The following FABP12 variants were observed in gnomAD, a reference collection of about 807,000 sequenced individuals.
FABP12 encodes fatty acid-binding protein 12.
Under a neutral mutation model 13.7 loss-of-function variants are expected in FABP12, and 19 were observed. The observed-to-expected ratio is 1.39, with a 90% CI of 0.97 to 2.04. The LOEUF (loss-of-function observed/expected upper bound fraction) is 2.04. FABP12 is among the 30% of genes most tolerant of loss of function. The probability of loss-of-function intolerance (pLI) is 0.00; values close to 1 mark genes in which losing one functional copy is unlikely to be tolerated. For synonymous variants in FABP12, 61 were observed against 57.0 expected (o/e 1.07, Z -0.32); for missense variants, 182 against 164.2 (o/e 1.11, Z -0.59).
rs536105592 is a variant in FABP12 at position 81,529,460 on chromosome 8, G to A, written c.224C>T (p.Thr75Met). The change falls in exon 3 of 5, where the codon ACG becomes ATG. Residue 75 changes from threonine (T) to methionine (M), a missense_variant. Physicochemically the swap from Thr to Met is moderately conservative, Grantham distance 81. Transcript: ENST00000360464. ...CACCTTTGTTTTGTGGCCACCTGGC[G>A]TGATTTCCTCAAACTCTTCTCCCAG... The A allele has an allele frequency of 6.0e-5, 97 of 1,613,916 alleles. 1 individual carries two copies. Among genetic ancestry groups the A allele is most frequent in the South Asian group, 3.5e-4 (32 of 91,086 alleles).
intron 1 of FABP12, among the ~76,000 whole-genome samples, chr8:81,573,051 A>G (rs1218033751): frequency 6.6e-6 from 1 of 152,178 alleles, no homozygotes; most frequent in Middle Eastern, 3.2e-3. Context: ...GTTTCTCCCA[A>G]TATTATCTTC....
intron 1 of FABP12, among the ~76,000 whole-genome samples, chr8:81,581,013 T>C (rs973956640): frequency 9.2e-5 from 14 of 152,206 alleles, no homozygotes; most frequent in African/African-American, 3.4e-4. Flanking sequence ...GGAGAAATAG[T>C]AGGACTTTGC....
At chr8:81,558,887 C>CAAAAAAA (rs35682824) in intron 1 of FABP12, among the ~76,000 whole-genome samples, 1 of 67,556 alleles carries the variant, frequency 1.5e-5, no homozygotes. Flanking sequence ...AAGGCTCCAT[C>CAAAAAAA]AAAAAAAAAA....
chr8:81,553,834 G>A (rs2130021765), intron 1 of FABP12, among the ~76,000 whole-genome samples: 1 of 152,300 alleles, frequency 6.6e-6, no homozygotes, highest in Non-Finnish European at 1.5e-5. Flanking sequence ...GGGAAAAGGA[G>A]CGCTGGGGCT....
chr8:81,563,608 G>A (rs1008611061), intron 1 of FABP12, among the ~76,000 whole-genome samples: 1 of 152,130 alleles, frequency 6.6e-6, no homozygotes, highest in Non-Finnish European at 1.5e-5. Context: ...AAAGAATCAA[G>A]CAGAAATTCT....
intron 1 of FABP12, among the ~76,000 whole-genome samples, chr8:81,546,777 T>C (rs143421426): frequency 2.0e-5 from 3 of 152,398 alleles, no homozygotes; most frequent in Non-Finnish European, 4.4e-5. Context: ...ACTTCTGTGA[T>C]AAAATGTCAA....
At position 81,558,035 on chromosome 8, in the gene FABP12, G is replaced by A. The variant is rs541263512; in HGVS notation, c.-184-18292C>T. Among the ~76,000 whole-genome samples the A allele has an allele frequency of 4.6e-5, 7 of 152,350 alleles. No individual in the cohort carries two copies. The South Asian group carries it at 8.3e-4, about 18-fold the overall frequency. ...GCCAGCTGGGGAAGAGGCCACTGGAGCACAGCAGAGCCAGATTGCCCAAGT... is the reference window on the plus strand; with the variant it reads ...GCCAGCTGGGGAAGAGGCCACTGGAACACAGCAGAGCCAGATTGCCCAAGT... On this transcript the variant is annotated intron_variant, in intron 1 of 5. Transcript: ENST00000692030.
At chr8:81,561,380 C>T (rs1168931259) in intron 1 of FABP12, among the ~76,000 whole-genome samples, 1 of 152,098 alleles carries the variant, frequency 6.6e-6, no homozygotes, top group Non-Finnish European at 1.5e-5. Context: ...TAGTACTGTA[C>T]CTAAGGTCCT....
At chr8:81,561,563 G>C (rs529859270) in intron 1 of FABP12, among the ~76,000 whole-genome samples, 1 of 152,190 alleles carries the variant, frequency 6.6e-6, no homozygotes, top group Non-Finnish European at 1.5e-5. Flanking sequence ...ATATCACTGA[G>C]AGAGGCACTG....
At chr8:81,526,891 AT>A (rs1007753955) in intron 4 of FABP12, 128 bp downstream of exon 4, 2 of 596,032 alleles carry the variant, frequency 3.4e-6, no homozygotes, top group Non-Finnish European at 5.9e-6. Flanking sequence ...TTATCTCATA[AT>A]TTTTTTCTCA....
chr8:81,538,068 G>A (rs1021804022), upstream of FABP12, among the ~76,000 whole-genome samples: 1 of 152,154 alleles, frequency 6.6e-6, no homozygotes, highest in African/African-American at 2.4e-5. Context: ...AGGCAAATGG[G>A]GAGCTGGTGT....
At position 81,572,085 on chromosome 8, in the gene FABP12, T is replaced by C. The variant is rs573302492; in HGVS notation, c.-185+17968A>G. ...AGCAGTATACACTGCACCATATTTG[T>C]AATCTTTTATACCTTGCCCCCTCCC... On this transcript the variant is annotated intron_variant, in intron 1 of 5. Transcript: ENST00000692030. 2.9e-4 allele frequency among the ~76,000 whole-genome samples: 44 copies of C among 152,196 alleles called. 1 individual carries two copies. The highest frequency in any genetic ancestry group is 2.7e-3 in the Admixed American group (41 of 15,294).
chr8:81,525,019 T>C, exon 5 of FABP12: 2 of 1,474,936 alleles, frequency 1.4e-6, no homozygotes, highest in Non-Finnish European at 1.9e-6. Flanking sequence ...ACAACCTCAG[T>C]AGTTTGGATG....
chr8:81,580,161 G>A (rs759839481), intron 1 of FABP12, among the ~76,000 whole-genome samples: 4 of 152,118 alleles, frequency 2.6e-5, no homozygotes, highest in Non-Finnish European at 4.4e-5. Context: ...CCCCTGCCAG[G>A]CCACCTTTTA....
intron 1 of FABP12, among the ~76,000 whole-genome samples, chr8:81,556,953 C>A (rs1319621039): frequency 7.0e-6 from 1 of 142,592 alleles, no homozygotes; most frequent in Non-Finnish European, 1.5e-5. Flanking sequence ...TGGCTCACTA[C>A]AACCTCCGCC....
chr8:81,585,768 G>GT (rs1171432052), intron 1 of FABP12, among the ~76,000 whole-genome samples: 1 of 151,842 alleles, frequency 6.6e-6, no homozygotes, highest in South Asian at 2.1e-4. Context: ...TGTTTTATTG[G>GT]TTTTTTTAAA....
chr8:81,565,227 A>C lies in FABP12; in HGVS notation c.-185+24826T>G, dbSNP rs181406054. On this transcript the variant is annotated intron_variant, in intron 1 of 5. Transcript: ENST00000692030. ...GCTAAAGAGGGAAATACAGTCCAATACAATAATAGCTGGAGAATTCAGTGC... is the reference window on the plus strand; with the variant it reads ...GCTAAAGAGGGAAATACAGTCCAATCCAATAATAGCTGGAGAATTCAGTGC... 2.5e-3 allele frequency among the ~76,000 whole-genome samples: 381 copies of C among 152,168 alleles called. 2 individuals are homozygous for C. The highest frequency in any genetic ancestry group is 8.3e-3 in the African/African-American group (343 of 41,556).
rs137877066 is a variant in FABP12 at position 81,575,358 on chromosome 8, C to T, written c.-185+14695G>A. Among the ~76,000 whole-genome samples the T allele has an allele frequency of 5.1e-3, 779 of 152,162 alleles. 3 individuals are homozygous for T. The highest frequency in any genetic ancestry group is 0.018 in the African/African-American group (751 of 41,514). On this transcript the variant is annotated intron_variant, in intron 1 of 5. Coordinates refer to the FABP12 transcript ENST00000692030. ...CAATTTTCATGAATTGATTGAGGCT[C>T]GTTTTATGGCCTATCATATGGTCTT...
intron 1 of FABP12, among the ~76,000 whole-genome samples, chr8:81,531,625 C>T (rs1809077571): frequency 6.6e-6 from 1 of 152,288 alleles, no homozygotes; most frequent in African/African-American, 2.4e-5. Flanking sequence ...TTCCCTAGGA[C>T]CTGCCAGGCA....
Sources: gnomAD v4.1 joint callset for allele counts (sites outside exome capture counted in the v4.1 genomes callset) on GRCh38, gnomAD v4.1.1 for gene constraint, MANE v1.5 for transcripts, NCBI Gene and HGNC (gene_info 2026-07-23, HGNC 2026-07-21) for gene names.